Variants in PRSS53 observed in about 807,000 individuals in gnomAD.
PRSS53 encodes EDTP308.
Under a neutral mutation model 62.7 loss-of-function variants are expected in PRSS53, and 54 were observed. The ratio of observed to expected loss-of-function variants is 0.86; its 90% CI spans 0.69 to 1.08. PRSS53 has a LOEUF of 1.08. Among genes scored for constraint, PRSS53 ranks in the 50% least tolerant of loss-of-function variants. The pLI, the probability that PRSS53 is intolerant of heterozygous loss-of-function variation, is 0.00. For synonymous variants in PRSS53, 273 were observed against 300.0 expected, an observed-to-expected ratio of 0.91 and a Z score of 0.93; for missense variants, 688 against 728.3, an observed-to-expected ratio of 0.94 and a Z score of 0.64.
At chr16:31,086,817 C>T (rs761160521) in exon 4 of PRSS53, 9 of 1,613,602 alleles carry the variant, frequency 5.6e-6, no homozygotes, top group Non-Finnish European at 7.6e-6. Context: ...CCACCCCCAC[C>T]TCTTCGGCCC....
At position 31,084,659 on chromosome 16, in the gene PRSS53, T is replaced by TAGGCCCC; in HGVS notation, c.1317_1323dup (p.Arg442GlyfsTer3). 6.2e-7 allele frequency: 1 copy of TAGGCCCC among 1,610,980 alleles called. No homozygotes were observed. The highest frequency in any genetic ancestry group is 8.5e-7 in the Non-Finnish European group (1 of 1,179,160). Reference sequence around the variant, plus strand: ...GCTGCATGCAGCCGGCTGCAGGCCCTAGGCCCCAGGAGGGTCACGGGCACT... The same window carrying TAGGCCCC: ...GCTGCATGCAGCCGGCTGCAGGCCCTAGGCCCCAGGCCCCAGGAGGGTCACGGGCACT... On this transcript the variant is annotated frameshift_variant, in exon 9 of 11. Coordinates refer to ENST00000280606, the Ensembl canonical transcript of PRSS53. LOFTEE classifies it high-confidence loss of function.
intron 1 of PRSS53, 161 bp from the exon 2 acceptor site, chr16:31,087,987 C>G: frequency 6.6e-7 from 1 of 1,520,800 alleles, no homozygotes; most frequent in Non-Finnish European, 8.8e-7. Flanking sequence ...GAGGCCGAGA[C>G]AGCTTTTATT....
intron 6 of PRSS53, 86 bp downstream of exon 6, chr16:31,085,878 T>C: frequency 1.6e-6 from 2 of 1,248,736 alleles, no homozygotes; most frequent in Non-Finnish European, 2.3e-6. Context: ...GGCTCGGCGG[T>C]GTGGATGCCT....
chr16:31,088,005 A>G (rs2143890488), intron 1 of PRSS53, 179 bp from the exon 2 acceptor site: 1 of 1,498,606 alleles, frequency 6.7e-7, no homozygotes, highest in Admixed American at 2.1e-5. Context: ...ATTGGAACCT[A>G]TTCAGTGTGC....
At chr16:31,084,924 C>T (rs1351540994) in exon 8 of PRSS53, 5 of 1,544,322 alleles carry the variant, frequency 3.2e-6, no homozygotes, top group Non-Finnish European at 4.4e-6. Flanking sequence ...TCGTAGCCCC[C>T]CTCAGGGTGG....
chr16:31,086,462 G>A (rs760392898), exon 5 of PRSS53: 27 of 1,613,770 alleles, frequency 1.7e-5, no homozygotes, highest in East Asian at 2.2e-5. Context: ...CTGATGAGAC[G>A]CAGGCGCAGA....
exon 8 of PRSS53, chr16:31,084,980 G>C: frequency 6.4e-7 from 1 of 1,569,762 alleles, no homozygotes. Flanking sequence ...CCACTCCTCC[G>C]GTCTGGTCCC....
exon 9 of PRSS53, chr16:31,084,584 C>T: frequency 6.2e-7 from 1 of 1,606,508 alleles, no homozygotes; most frequent in Non-Finnish European, 8.5e-7. Flanking sequence ...TCACCCACAG[C>T]ACTGGTACAC....
chr16:31,087,569 G>C lies in PRSS53; in HGVS notation c.210C>G (p.Thr70=), dbSNP rs576091011. 4 of 1,613,334 alleles carry C rather than the reference G, an allele frequency of 2.5e-6. No individual in the cohort carries two copies. The East Asian group carries it at 8.9e-5, about 36-fold the overall frequency. The stretch of plus-strand genomic sequence containing the variant: ...AGCAGTGGGCAGCAGTGAGGACCCA[G>C]GTGTCTGCCACCAGGGAGCCGCTGC... The change falls in exon 3 of 11, where the codon ACC becomes ACG. Residue 70 remains threonine, a synonymous_variant. Transcript: ENST00000280606.
At chr16:31,088,816 C>T (rs2057260867) in exon 1 of PRSS53, 3 of 1,613,602 alleles carry the variant, frequency 1.9e-6, no homozygotes, top group Non-Finnish European at 2.5e-6. Flanking sequence ...TCATGCTGCC[C>T]CGGGCCACTC....
intron 1 of PRSS53, chr16:31,088,205 G>A (rs2057254561): frequency 8.4e-7 from 1 of 1,195,570 alleles, no homozygotes; most frequent in African/African-American, 1.6e-5. Flanking sequence ...AGGCCTAAGA[G>A]GAAGGATTAG....
chr16:31,086,279 AC>A (rs2057232559), intron 5 of PRSS53, 57 bp downstream of exon 5: 3 of 1,583,184 alleles, frequency 1.9e-6, no homozygotes. Flanking sequence ...TGTGAGTCCA[AC>A]CCCCAGCCCA....
At chr16:31,088,774 C>T (rs768988096) in exon 1 of PRSS53, 9 of 1,613,808 alleles carry the variant, frequency 5.6e-6, no homozygotes, top group African/African-American at 2.7e-5. Context: ...CTGTGGCACC[C>T]GCGATGAGCA....
chr16:31,085,916 T>G (rs749171809), intron 6 of PRSS53, 48 bp downstream of exon 6: 1 of 1,543,198 alleles, frequency 6.5e-7, no homozygotes, highest in Non-Finnish European at 8.9e-7. Context: ...CTAACTGAGG[T>G]TTGCTTCACA....
intron 1 of PRSS53, chr16:31,088,494 C>A: frequency 7.3e-7 from 1 of 1,378,336 alleles, no homozygotes; most frequent in African/African-American, 1.5e-5. Flanking sequence ...AGGCACAGGA[C>A]ACACGCAGGC....
exon 10 of PRSS53, chr16:31,084,191 A>T (rs1234539711): frequency 6.2e-7 from 1 of 1,610,058 alleles, no homozygotes; most frequent in South Asian, 1.1e-5. Flanking sequence ...TGCCAGTCCA[A>T]ACTGCTGACC....
chr16:31,085,376 A>G, intron 6 of PRSS53, 116 bp from the exon 7 acceptor site: 1 of 1,253,504 alleles, frequency 8.0e-7, no homozygotes, highest in Non-Finnish European at 1.1e-6. Flanking sequence ...AAGGTAACCA[A>G]AGTTCCAGAG....
At chr16:31,084,360 G>C in intron 9 of PRSS53, 25 bp from the exon 10 acceptor site, 1 of 1,598,544 alleles carries the variant, frequency 6.3e-7, no homozygotes, top group Non-Finnish European at 8.5e-7. Context: ...GTGACACTGG[G>C]TGACTTTTTA....
chr16:31,088,476 G>A lies in PRSS53; in HGVS notation c.58+276C>T, dbSNP rs2057257385. The A allele has an allele frequency of 6.0e-6, 8 of 1,324,596 alleles. No individual in the cohort carries two copies. The South Asian group carries it at 1.5e-4, about 25-fold the overall frequency. 82.1% of individuals were successfully genotyped at this position (1,324,596 alleles called of 1,614,324 possible). A position where few individuals can be genotyped will look rare whatever the true frequency, so the allele number is the denominator to read the frequency against. On this transcript the variant is annotated intron_variant, in intron 1 of 10. Coordinates refer to ENST00000280606, the Ensembl canonical transcript of PRSS53. ...GCCTGACGTCATTGTGGAAGTCGAG[G>A]GGGAGGCAGGCACAGGACACACGCA... is the stretch of plus-strand genomic sequence containing the variant.
Sources: allele counts gnomAD v4.1 joint callset, GRCh38; gene constraint gnomAD v4.1.1; transcripts MANE v1.5; gene names NCBI Gene and HGNC (gene_info 2026-07-23, HGNC 2026-07-21).